MCF2L: variants seen among roughly 807,000 people sequenced by gnomAD.
The protein encoded by MCF2L is guanine nucleotide exchange factor DBS.
Under a neutral mutation model 153.4 loss-of-function variants are expected in MCF2L, and 97 were observed. That is an observed-to-expected ratio of 0.63 (90% CI 0.54 to 0.75). The LOEUF (loss-of-function observed/expected upper bound fraction) is 0.75, where lower values mean the gene tolerates loss of function less well. Among genes scored for constraint, MCF2L ranks in the 30% least tolerant of loss-of-function variants. The probability of loss-of-function intolerance (pLI) is 0.00; values close to 1 mark genes in which losing one functional copy is unlikely to be tolerated. For missense variants in MCF2L, 1,347 were observed against 1,495.2 expected (o/e 0.90, Z 1.64); for synonymous variants, 659 against 632.2 (o/e 1.04, Z -0.64).
chr13:112,927,562 A>G (rs190785718), intron 2 of MCF2L, among the ~76,000 whole-genome samples: 109 of 152,332 alleles, frequency 7.2e-4, no homozygotes, highest in African/African-American at 2.1e-3. Flanking sequence ...ATGACTCTTT[A>G]TAAAACATCA....
intron 2 of MCF2L, among the ~76,000 whole-genome samples, chr13:112,911,087 A>G (rs1325485237): frequency 1.3e-5 from 2 of 152,186 alleles, no homozygotes; most frequent in East Asian, 1.9e-4. Context: ...TGGTGCATGC[A>G]TGGTGATGGA....
At chr13:112,950,984 T>C (rs917085574) in intron 2 of MCF2L, among the ~76,000 whole-genome samples, 3 of 152,220 alleles carry the variant, frequency 2.0e-5, no homozygotes, top group Admixed American at 6.5e-5. Flanking sequence ...ACCACATAGC[T>C]GATAAAGGAT....
Position 112,949,653 on chromosome 13 carries a change from A to T in MCF2L, c.169+47282A>T, listed in dbSNP as rs2081671041. ...CATATAATCATGTCAACCAGTGCAG[A>T]AAAAGTCTTTGACAAAATTTAACAC... On this transcript the variant is annotated intron_variant, in intron 2 of 29. Coordinates refer to the MCF2L transcript ENST00000375608. Among the ~76,000 whole-genome samples the T allele has an allele frequency of 2.0e-5, 3 of 152,176 alleles. No individual in the cohort carries two copies. In the South Asian group the frequency reaches 6.2e-4, roughly 32 times the overall value.
intron 2 of MCF2L, among the ~76,000 whole-genome samples, chr13:112,948,201 A>G (rs1171297717): frequency 5.3e-5 from 8 of 152,180 alleles, no homozygotes; most frequent in Non-Finnish European, 7.3e-5. Context: ...TTAGTCCATA[A>G]TCTTTATGAA....
chr13:112,971,253 G>T (rs967102032), intron 1 of MCF2L, among the ~76,000 whole-genome samples: 1 of 152,192 alleles, frequency 6.6e-6, no homozygotes, highest in Non-Finnish European at 1.5e-5. Flanking sequence ...AGGTAAACCT[G>T]ATCCCCACCT....
intron 4 of MCF2L, among the ~76,000 whole-genome samples, chr13:113,056,179 G>T (rs986272874): frequency 1.3e-5 from 2 of 152,272 alleles, no homozygotes; most frequent in Admixed American, 6.5e-5. Context: ...CAGTGACCGA[G>T]CCCTTAGTTT....
At position 112,944,841 on chromosome 13, in the gene MCF2L, C is replaced by T. The variant is rs115484737; in HGVS notation, c.169+42470C>T. The stretch of plus-strand genomic sequence containing the variant: ...TAGGGAAGGCCCTCCACCCTACTTG[C>T]CTGGGCTTTCTCTGCAAGCTCTGTG... On this transcript the variant is annotated intron_variant, in intron 2 of 29. Transcript: ENST00000375608. Among the ~76,000 whole-genome samples the T allele has an allele frequency of 6.8e-3, 1,038 of 152,280 alleles. 21 individuals are homozygous for T. Among genetic ancestry groups the T allele is most frequent in the African/African-American group, 0.023 (969 of 41,544 alleles).
intron 1 of MCF2L, chr13:113,009,578 G>C (rs2083944296): frequency 2.4e-5 from 1 of 40,854 alleles, no homozygotes; most frequent in Admixed American, 1.7e-4. Context: ...AGGGTGTCCT[G>C]TTTATCCCCT....
chr13:113,047,680 C>G (rs2086901212), intron 4 of MCF2L, among the ~76,000 whole-genome samples: 1 of 152,242 alleles, frequency 6.6e-6, no homozygotes. Context: ...ACCTGGGTGC[C>G]TTTCATGCCC....
intron 11 of MCF2L, among the ~76,000 whole-genome samples, 188 bp from the exon 12 acceptor site, chr13:113,075,778 G>A (rs932876519): frequency 1.1e-4 from 16 of 152,002 alleles, no homozygotes; most frequent in African/African-American, 3.9e-4. Flanking sequence ...GTCCAGCACT[G>A]TGTCCCCTTG....
At chr13:112,965,453 T>G (rs1476951182), upstream of MCF2L, 1 of 152,276 alleles carries the variant, frequency 6.6e-6, no homozygotes. Flanking sequence ...TTTCCAGATT[T>G]CTGGGGCCAC....
rs778519208 is a variant in MCF2L, at chr13:113,074,473, G to A, written c.1026G>A (p.Gln342=). 56 of 1,613,936 alleles carry A rather than the reference G, an allele frequency of 3.5e-5. No individual in the cohort carries two copies. The highest frequency in any genetic ancestry group is 4.7e-5 in the Non-Finnish European group (55 of 1,180,004). The change falls in exon 10 of 30, where the codon CAG becomes CAA. Residue 342 remains glutamine (Q), a synonymous_variant. Transcript: ENST00000535094. This position sits in a 1 kb window ranked among gnomAD's most constrained non-coding sequence, Gnocchi z 4.2. The part of the protein sequence containing the change: ...EVKAILDAAS[Q]KIATFTDIGN... ...AAGCCATCTTGGACGCAGCGTCCCA[G>A]AAGATAGCAACCTTCACAGACATCG... is the stretch of plus-strand genomic sequence containing the variant.
At chr13:112,990,168 C>A (rs2082844562) in intron 1 of MCF2L, among the ~76,000 whole-genome samples, 1 of 152,174 alleles carries the variant, frequency 6.6e-6, no homozygotes, top group African/African-American at 2.4e-5. Context: ...CTGTGTTAAA[C>A]CATTCAGATC....
chr13:113,019,812 C>T (rs1291403251), intron 2 of MCF2L, among the ~76,000 whole-genome samples: 5 of 152,146 alleles, frequency 3.3e-5, no homozygotes, highest in African/African-American at 9.7e-5. Context: ...GACCAGATCT[C>T]CTTCCGCAGC....
At chr13:113,033,526 G>T (rs2085931090) in intron 3 of MCF2L, among the ~76,000 whole-genome samples, 2 of 152,162 alleles carry the variant, frequency 1.3e-5, no homozygotes, top group African/African-American at 4.8e-5. Context: ...GGTCCCCACT[G>T]TTTCCCTGTT....
In MCF2L at chr13:112,983,126, T is replaced by C. The variant is rs1478638484; in HGVS notation, c.79+13668T>C. Among the ~76,000 whole-genome samples, 1 of 151,744 alleles carries C rather than the reference T, an allele frequency of 6.6e-6. No homozygotes were observed. Among genetic ancestry groups the C allele is most frequent in the African/African-American group, 2.4e-5 (1 of 41,262 alleles). ...AGGTTCAGGTGCGGCCCACGGGCTG[T>C]GGCAGGGACGCAGCACTCAGCAGGT... On this transcript the variant is annotated intron_variant, in intron 1 of 29. Coordinates refer to ENST00000535094, the MANE Select transcript of MCF2L (RefSeq NM_001112732.3). This position sits in a 1 kb window ranked among gnomAD's most constrained non-coding sequence, Gnocchi z 4.0.
chr13:112,940,503 C>T (rs1040548130), intron 2 of MCF2L, among the ~76,000 whole-genome samples: 7 of 152,230 alleles, frequency 4.6e-5, no homozygotes, highest in Non-Finnish European at 7.3e-5. Flanking sequence ...TACCGCCTGG[C>T]CCAGCTCCCT....
intron 17 of MCF2L, among the ~76,000 whole-genome samples, chr13:113,083,566 G>A (rs754882679): frequency 5.3e-5 from 8 of 152,234 alleles, no homozygotes; most frequent in Non-Finnish European, 7.3e-5. Flanking sequence ...CCAGGGGACA[G>A]ATGCAACAGA....
intron 1 of MCF2L, among the ~76,000 whole-genome samples, chr13:112,984,861 G>C (rs1320524): frequency 0.94 from 142,911 of 152,150 alleles, 67,335 homozygotes; most frequent in Non-Finnish European, 0.98. Flanking sequence ...TTCAGAGGCC[G>C]CTCTGCTTCT....
Sources: allele counts gnomAD v4.1 joint callset (sites outside exome capture counted in the v4.1 genomes callset), GRCh38; gene constraint gnomAD v4.1.1; non-coding constraint Gnocchi (gnomAD v3.1); transcripts MANE v1.5; gene names NCBI Gene and HGNC (gene_info 2026-07-23, HGNC 2026-07-21).